Variants in CACNB3 observed in about 807,000 individuals in gnomAD.
The protein encoded by CACNB3 is calcium voltage-gated channel auxiliary subunit beta 3.
CACNB3 carries 36 observed loss-of-function variants against 63.7 expected under a neutral mutation model. The ratio of observed to expected loss-of-function variants is 0.57; its 90% CI spans 0.43 to 0.75. CACNB3 has a LOEUF of 0.75. Ranked by LOEUF, CACNB3 falls within the 30% of genes least tolerant of loss-of-function variation. The probability of loss-of-function intolerance (pLI) is 0.00; values close to 1 mark genes in which losing one functional copy is unlikely to be tolerated. For synonymous variants in CACNB3, 241 were observed against 250.6 expected (o/e 0.96, Z 0.36); for missense variants, 493 against 648.6 (o/e 0.76, Z 2.61).
At chr12:48,827,176 C>T in intron 12 of CACNB3, 53 bp downstream of exon 12, 3 of 1,590,810 alleles carry the variant, frequency 1.9e-6, no homozygotes, top group Admixed American at 1.7e-5. Flanking sequence ...CAAGGCACTG[C>T]CCCTCCCTGC....
Position 48,826,669 on chromosome 12 carries a change from A to G in CACNB3, c.895-90A>G, listed in dbSNP as rs1372056725. 2.9e-5 allele frequency: 41 copies of G among 1,423,934 alleles called. No individual in the cohort carries two copies. The highest frequency in any genetic ancestry group is 3.9e-5 in the Non-Finnish European group (39 of 1,011,034). The allele number at this position is 1,423,934 out of a possible 1,614,324, so 88.2% of individuals were successfully genotyped here. On this transcript the variant is annotated intron_variant, in intron 10 of 12. Transcript: ENST00000301050. The surrounding 1 kb of genome is among the most constrained non-coding windows in gnomAD (Gnocchi z 4.8). Reference sequence around the variant, plus strand: ...GTCATCCTCACCTGCTACTGATGCCACAAGTGGAAGAAATGCCTAGCTCTG... The same window carrying G: ...GTCATCCTCACCTGCTACTGATGCCGCAAGTGGAAGAAATGCCTAGCTCTG...
Position 48,827,681 on chromosome 12 carries a change from G to A in CACNB3, c.1237G>A (p.Ala413Thr). ...SDEASESSRQ[A>T]WTGSSQRSSR... ...TGAGGCCAGCGAGAGCTCCCGCCAAGCCTGGACAGGATCTTCACAGCGTAG... is the reference window on the plus strand; with the variant it reads ...TGAGGCCAGCGAGAGCTCCCGCCAAACCTGGACAGGATCTTCACAGCGTAG... Residue 413 changes from alanine to threonine, a missense_variant, in exon 13 of 13, where the codon GCC becomes ACC. Transcript: ENST00000301050. 6.2e-7 allele frequency: 1 copy of A among 1,614,044 alleles called. No homozygotes were observed.
At chr12:48,817,884 C>T (rs1238927439), upstream of CACNB3, 1 of 152,388 alleles carries the variant, frequency 6.6e-6, no homozygotes, top group East Asian at 1.9e-4. Flanking sequence ...TTGGCACTGT[C>T]TGGCACAATC....
intron 1 of CACNB3, among the ~76,000 whole-genome samples, chr12:48,822,276 G>A (rs771452378): frequency 1.3e-5 from 2 of 152,092 alleles, no homozygotes; most frequent in African/African-American, 4.8e-5. Context: ...CCCTGACAGA[G>A]GAGGAAACCC....
Position 48,828,733 on chromosome 12 carries a change from T to C in CACNB3, c.*834T>C. ...CTGTCATTTCTGTTCTTGTCCCTCA[T>C]ACATCTTTGGAGAACCGGGCTCCAG... On this transcript the variant is annotated 3_prime_UTR_variant, in exon 13 of 13. Coordinates refer to ENST00000301050, the MANE Select transcript of CACNB3 (RefSeq NM_000725.4). 2.2e-6 allele frequency: 1 copy of C among 456,474 alleles called. No individual in the cohort carries two copies. The highest frequency in any genetic ancestry group is 2.3e-5 in the Admixed American group (1 of 42,576). 28.3% of individuals were successfully genotyped at this position (456,474 alleles called of 1,614,324 possible).
chr12:48,823,942 C>A lies in CACNB3; in HGVS notation c.291+139C>A. 1 of 1,082,222 alleles carries A rather than the reference C, an allele frequency of 9.2e-7. No homozygotes were observed. Among genetic ancestry groups the A allele is most frequent in the Non-Finnish European group, 1.3e-6 (1 of 753,506 alleles). The allele number at this position is 1,082,222 out of a possible 1,614,324, so 67.0% of individuals were successfully genotyped here. A position where few individuals can be genotyped will look rare whatever the true frequency, so the allele number is the denominator to read the frequency against. On this transcript the variant is annotated intron_variant, in intron 3 of 12. Transcript: ENST00000301050. This position sits in a 1 kb window ranked among gnomAD's most constrained non-coding sequence, Gnocchi z 4.2. ...TCTCCTTAACACACACCTGTCCACC[C>A]CTCATATCTAAGATCTCATCCCCAG...
In CACNB3 at chr12:48,824,971, G is replaced by A; in HGVS notation, c.492+3G>A. 1 of 1,613,414 alleles carries A rather than the reference G, an allele frequency of 6.2e-7. No homozygotes were observed. The highest frequency in any genetic ancestry group is 1.1e-5 in the South Asian group (1 of 91,054). The stretch of plus-strand genomic sequence containing the variant: ...AAGCCAAGCAGAAGCAAAAGCAGGT[G>A]AGTCAAGGAAGGGACCTGGGCTGGG... On this transcript the variant is annotated splice_donor_region_variant and intron_variant, in intron 6 of 12. Coordinates refer to ENST00000301050, the MANE Select transcript of CACNB3 (RefSeq NM_000725.4).
chr12:48,827,783 C>T lies in CACNB3; in HGVS notation c.1339C>T (p.Leu447=). The change falls in exon 13 of 13, where the codon CTG becomes TTG. Residue 447 remains leucine, a synonymous_variant. Transcript: ENST00000301050. ...GCCTCACCGCCAACACACCTCGGGG[C>T]TGCCTAGTGCTAACGGGCATGACCC... ...YQPHRQHTSG[L]PSANGHDPQD... is the part of the protein sequence containing the mutation. 4 of 1,614,206 alleles carry T rather than the reference C, an allele frequency of 2.5e-6. No homozygotes were observed. The highest frequency in any genetic ancestry group is 2.5e-6 in the Non-Finnish European group (3 of 1,180,022).
In CACNB3 at chr12:48,823,901, CAA is replaced by C; in HGVS notation, c.291+99_291+100del. The C allele has an allele frequency of 6.7e-7, 1 of 1,482,794 alleles. No homozygotes were observed. The highest frequency in any genetic ancestry group is 9.3e-7 in the Non-Finnish European group (1 of 1,079,072). 91.9% of individuals were successfully genotyped at this position (1,482,794 alleles called of 1,614,324 possible). ...GACTTGAATCCTCAGTCTAATTCCC[CAA>C]GCTAATCAGCTCTTCTCCTTAACAC... is the stretch of plus-strand genomic sequence containing the variant. On this transcript the variant is annotated intron_variant, in intron 3 of 12. Transcript: ENST00000301050. The surrounding 1 kb of genome is among the most constrained non-coding windows in gnomAD (Gnocchi z 4.2).
intron 1 of CACNB3, among the ~76,000 whole-genome samples, chr12:48,819,273 G>A (rs1335127416): frequency 6.6e-6 from 1 of 152,144 alleles, no homozygotes; most frequent in African/African-American, 2.4e-5. Flanking sequence ...GAGGCCGAGG[G>A]CACAGAGGCT....
rs749518996 is a variant in CACNB3, at chr12:48,825,203, G to A, written c.533G>A (p.Arg178Gln). 7.4e-6 allele frequency: 12 copies of A among 1,613,962 alleles called. No individual in the cohort carries two copies. The highest frequency in any genetic ancestry group is 1.6e-4 in the Middle Eastern group (1 of 6,084). ...VPPYDVVPSMRPVVLVGPSLK... is the reference protein window; with the variant it reads ...VPPYDVVPSMQPVVLVGPSLK... ...CCATATGACGTGGTGCCCTCCATGC[G>A]GCCTGTGGTGCTGGTGGGACCCTCT... The change falls in exon 7 of 13, where the codon CGG becomes CAG. Residue 178 changes from arginine to glutamine, a missense_variant. Coordinates refer to ENST00000301050, the MANE Select transcript of CACNB3 (RefSeq NM_000725.4). The surrounding 1 kb of genome is among the most constrained non-coding windows in gnomAD (Gnocchi z 4.5).
chr12:48,819,436 C>A (rs1213455976), intron 1 of CACNB3, among the ~76,000 whole-genome samples: 1 of 152,210 alleles, frequency 6.6e-6, no homozygotes, highest in Non-Finnish European at 1.5e-5. Context: ...GCTGAGAGGA[C>A]ATCAGGGAGC....
In CACNB3 at chr12:48,826,194, T is replaced by C; in HGVS notation, c.743-173T>C. 6.3e-6 allele frequency: 4 copies of C among 633,460 alleles called. 1 individual carries two copies. Among genetic ancestry groups the C allele is most frequent in the East Asian group, 5.5e-5 (2 of 36,374 alleles). The allele number at this position is 633,460 out of a possible 1,614,324, so 39.2% of individuals were successfully genotyped here. On this transcript the variant is annotated intron_variant, in intron 9 of 12. Transcript: ENST00000301050. The surrounding 1 kb of genome is among the most constrained non-coding windows in gnomAD (Gnocchi z 4.8). ...CCAACTCCTCTACCTGCCCCCAGGA[T>C]TGGCAAGAACACACCCCTCCTCCTC...
chr12:48,817,076 G>C, upstream of CACNB3: 1 of 854,388 alleles, frequency 1.2e-6, no homozygotes, highest in South Asian at 5.3e-5. Context: ...AGTTGGTGCT[G>C]GACTCAGGAG....
rs1938020698 is a variant in CACNB3, at chr12:48,824,477, A to G, written c.407+104A>G. ...ATACACATGCATATCCCCCTGAAATACACATACACGTATGCCCAGCTCTAC... is the reference window on the plus strand; with the variant it reads ...ATACACATGCATATCCCCCTGAAATGCACATACACGTATGCCCAGCTCTAC... On this transcript the variant is annotated intron_variant, in intron 4 of 12. Coordinates refer to ENST00000301050, the MANE Select transcript of CACNB3 (RefSeq NM_000725.4). 3 of 1,124,768 alleles carry G rather than the reference A, an allele frequency of 2.7e-6. No homozygotes were observed. In the African/African-American group the frequency reaches 4.6e-5, roughly 17 times the overall value. 69.7% of individuals were successfully genotyped at this position (1,124,768 alleles called of 1,614,324 possible). A position where few individuals can be genotyped will look rare whatever the true frequency, so the allele number is the denominator to read the frequency against.
chr12:48,819,079 G>A, intron 1 of CACNB3, 105 bp downstream of exon 1: 2 of 1,275,430 alleles, frequency 1.6e-6, no homozygotes, highest in South Asian at 1.3e-5. Context: ...TCAGTGGCAG[G>A]GCAGGGTTTG....
At position 48,828,487 on chromosome 12, in the gene CACNB3, G is replaced by A. The variant is rs926681300; in HGVS notation, c.*588G>A. 1.2e-4 allele frequency: 41 copies of A among 353,254 alleles called. No homozygotes were observed. Among genetic ancestry groups the A allele is most frequent in the Admixed American group, 2.6e-4 (7 of 26,860 alleles). 21.9% of individuals were successfully genotyped at this position (353,254 alleles called of 1,614,324 possible). A position where few individuals can be genotyped will look rare whatever the true frequency, so the allele number is the denominator to read the frequency against. ...AAGACTGGAGCAGCAGGCTGGCCAC[G>A]CTCGGGCCAGAGAGAGCTCACAGCT... On this transcript the variant is annotated 3_prime_UTR_variant, in exon 13 of 13. Coordinates refer to ENST00000301050, the MANE Select transcript of CACNB3 (RefSeq NM_000725.4).
At chr12:48,814,610 G>T (rs919595810), upstream of CACNB3, 48 of 1,465,908 alleles carry the variant, frequency 3.3e-5, no homozygotes, top group Non-Finnish European at 2.7e-6. The surrounding 1 kb of genome is among the most constrained non-coding windows in gnomAD (Gnocchi z 6.9). Flanking sequence ...GCCCCACGGG[G>T]TGGGAATAAG....
At chr12:48,822,981 G>A (rs1937931937) in intron 1 of CACNB3, among the ~76,000 whole-genome samples, 1 of 152,184 alleles carries the variant, frequency 6.6e-6, no homozygotes, top group South Asian at 2.1e-4. Flanking sequence ...GGGTCTCCTG[G>A]ATCCAGAATC....
Sources: allele counts gnomAD v4.1 joint callset (sites outside exome capture counted in the v4.1 genomes callset), GRCh38; gene constraint gnomAD v4.1.1; non-coding constraint Gnocchi (gnomAD v3.1); transcripts MANE v1.5; gene names NCBI Gene and HGNC (gene_info 2026-07-23, HGNC 2026-07-21).